The following NDUFV2 variants were observed in gnomAD, a reference collection of about 807,000 sequenced individuals.
NDUFV2 encodes NADH:ubiquinone oxidoreductase core subunit V2.
Under a neutral mutation model 31.6 loss-of-function variants are expected in NDUFV2, and 18 were observed. The ratio of observed to expected loss-of-function variants is 0.57; its 90% CI spans 0.39 to 0.84. NDUFV2 has a LOEUF of 0.84. Among genes scored for constraint, NDUFV2 ranks in the 40% least tolerant of loss-of-function variants. NDUFV2 has a pLI of 0.00. For missense variants in NDUFV2, 314 were observed against 303.6 expected, an observed-to-expected ratio of 1.03 and a Z score of -0.26; for synonymous variants, 83 against 99.8, an observed-to-expected ratio of 0.83 and a Z score of 1.01.
chr18:9,117,831 AT>A lies in NDUFV2; in HGVS notation c.55-3del. 1.3e-6 allele frequency: 2 copies of A among 1,571,264 alleles called. No homozygotes were observed. Among genetic ancestry groups the A allele is most frequent in the African/African-American group, 1.3e-5 (1 of 74,136 alleles). Reference sequence around the variant, plus strand: ...TTACTAAACTTTCTTAAAATTTTAAATTTTAGGGAAGACATGTAAGGAATTT... The same window carrying A: ...TTACTAAACTTTCTTAAAATTTTAAATTTAGGGAAGACATGTAAGGAATTT... On this transcript the variant is annotated splice_polypyrimidine_tract_variant and splice_region_variant and intron_variant, in intron 1 of 7. Coordinates refer to ENST00000318388, the MANE Select transcript of NDUFV2 (RefSeq NM_021074.5).
chr18:9,119,203 G>T, intron 2 of NDUFV2, 123 bp from the exon 3 acceptor site: 1 of 761,942 alleles, frequency 1.3e-6, no homozygotes, highest in Non-Finnish European at 2.3e-6. Context: ...AGGATAGGGT[G>T]GTATATATCA....
chr18:9,115,513 C>T (rs972283855), intron 1 of NDUFV2, among the ~76,000 whole-genome samples: 2 of 152,110 alleles, frequency 1.3e-5, no homozygotes, highest in Non-Finnish European at 2.9e-5. Flanking sequence ...GCTTTATCCT[C>T]ATTTTGTACT....
intron 2 of NDUFV2, 147 bp downstream of exon 2, chr18:9,118,050 A>G (rs986900541): frequency 3.1e-6 from 2 of 652,660 alleles, no homozygotes; most frequent in East Asian, 5.5e-5. Context: ...TGAATTTACT[A>G]CATTTCAAAA....
intron 7 of NDUFV2, chr18:9,132,530 A>G (rs192502118): frequency 9.2e-5 from 14 of 152,314 alleles, no homozygotes. Flanking sequence ...GTTTCTCCAA[A>G]ATAATTTCAT....
At chr18:9,134,005 C>T (rs1439139134) in intron 7 of NDUFV2, among the ~76,000 whole-genome samples, 181 bp from the exon 8 acceptor site, 5 of 152,014 alleles carry the variant, frequency 3.3e-5, no homozygotes, top group African/African-American at 1.2e-4. Flanking sequence ...GATGTTTTTC[C>T]ATATTTAAAT....
At chr18:9,112,046 T>A (rs1360688960) in intron 1 of NDUFV2, among the ~76,000 whole-genome samples, 1 of 124,028 alleles carries the variant, frequency 8.1e-6, no homozygotes, top group Non-Finnish European at 1.6e-5. Context: ...TGATAGAGAA[T>A]CTCGCTCTGT....
chr18:9,131,242 G>T (rs373938051), intron 7 of NDUFV2, among the ~76,000 whole-genome samples: 1 of 152,114 alleles, frequency 6.6e-6, no homozygotes, highest in South Asian at 2.1e-4. Flanking sequence ...GGAAGAGGAG[G>T]GGTTGGCCTT....
At chr18:9,102,982 G>C (rs1049518646) in intron 1 of NDUFV2, 185 bp downstream of exon 1, 1 of 578,902 alleles carries the variant, frequency 1.7e-6, no homozygotes, top group Non-Finnish European at 2.9e-6. Flanking sequence ...CCCGAGGGAG[G>C]GTTGCCATAC....
chr18:9,123,323 C>G (rs1457431238), intron 5 of NDUFV2, among the ~76,000 whole-genome samples: 1 of 151,956 alleles, frequency 6.6e-6, no homozygotes, highest in Non-Finnish European at 1.5e-5. Flanking sequence ...ACCCCCCCAC[C>G]CCCAACACCA....
chr18:9,131,761 C>T (rs375933609), intron 7 of NDUFV2, among the ~76,000 whole-genome samples: 5 of 152,112 alleles, frequency 3.3e-5, no homozygotes, highest in African/African-American at 9.7e-5. Context: ...GAATGACTGA[C>T]GAACCATACT....
At chr18:9,123,449 C>T (rs2077957614) in intron 5 of NDUFV2, among the ~76,000 whole-genome samples, 1 of 151,784 alleles carries the variant, frequency 6.6e-6, no homozygotes, top group African/African-American at 2.4e-5. Context: ...TTTATTTTGG[C>T]TGTATTTCTA....
chr18:9,117,672 A>G (rs1221189351), intron 1 of NDUFV2, 166 bp from the exon 2 acceptor site: 1 of 565,234 alleles, frequency 1.8e-6, no homozygotes, highest in Non-Finnish European at 3.2e-6. Flanking sequence ...CTCCATTTGT[A>G]AAATAACTCT....
At chr18:9,119,222 T>A (rs2077916538) in intron 2 of NDUFV2, 104 bp from the exon 3 acceptor site, 1 of 916,474 alleles carries the variant, frequency 1.1e-6, no homozygotes, top group Non-Finnish European at 1.8e-6. Context: ...CATGTTGGAA[T>A]TAAAATGGAG....
At chr18:9,106,250 ACT>A (rs2077841362) in intron 1 of NDUFV2, among the ~76,000 whole-genome samples, 1 of 152,002 alleles carries the variant, frequency 6.6e-6, no homozygotes, top group South Asian at 2.1e-4. Flanking sequence ...GTTGTTCCAA[ACT>A]CTCACTGAGG....
chr18:9,112,162 G>GCA (rs2077874581), intron 1 of NDUFV2, among the ~76,000 whole-genome samples: 1 of 151,854 alleles, frequency 6.6e-6, no homozygotes, highest in African/African-American at 2.4e-5. Flanking sequence ...GGGACTACAG[G>GCA]TGTGCGCCAC....
At chr18:9,128,220 A>G (rs2078008948) in intron 7 of NDUFV2, among the ~76,000 whole-genome samples, 1 of 152,002 alleles carries the variant, frequency 6.6e-6, no homozygotes, top group African/African-American at 2.4e-5. Context: ...ATGTGCTCTT[A>G]CTCCCGTTTT....
chr18:9,119,344 A>C lies in NDUFV2; in HGVS notation c.139A>C (p.Asn47His). The change falls in exon 3 of 8, where the codon AAT becomes CAT. Residue 47 changes from asparagine (N) to histidine (H), a missense_variant. By Grantham distance (68) the Asn-to-His change is moderately conservative (BLOSUM62 1). Transcript: ENST00000318388. ...ALFVHRDTPENNPDTPFDFTP... is the reference protein window; with the variant it reads ...ALFVHRDTPEHNPDTPFDFTP... ...TGTGTAGCACAGAGATACTCCTGAG[A>C]ATAACCCTGATACTCCATTTGATTT... 6.2e-7 allele frequency: 1 copy of C among 1,613,110 alleles called. No individual in the cohort carries two copies. The highest frequency in any genetic ancestry group is 8.5e-7 in the Non-Finnish European group (1 of 1,179,146).
chr18:9,122,316 AGT>A (rs1467340822), intron 4 of NDUFV2, among the ~76,000 whole-genome samples, 195 bp from the exon 5 acceptor site: 1 of 152,182 alleles, frequency 6.6e-6, no homozygotes, highest in East Asian at 1.9e-4. Context: ...GTATGGTTTA[AGT>A]GTAAGTACAT....
At chr18:9,105,833 A>G (rs2077839099) in intron 1 of NDUFV2, among the ~76,000 whole-genome samples, 1 of 152,028 alleles carries the variant, frequency 6.6e-6, no homozygotes, top group Non-Finnish European at 1.5e-5. Context: ...CATCGAGGAT[A>G]TTTTCCTTTA....
Sources: allele counts gnomAD v4.1 joint callset (sites outside exome capture counted in the v4.1 genomes callset), GRCh38; gene constraint gnomAD v4.1.1; transcripts MANE v1.5; gene names NCBI Gene and HGNC (gene_info 2026-07-23, HGNC 2026-07-21).